The following DMD variants were observed in gnomAD, a reference collection of about 807,000 sequenced individuals.
DMD encodes mutant dystrophin.
Under a neutral mutation model 330.1 loss-of-function variants are expected in DMD, and 63 were observed. That is an observed-to-expected ratio of 0.19 (90% CI 0.16 to 0.24). DMD has a LOEUF of 0.24. Ranked by LOEUF, DMD falls within the 10% of genes least tolerant of loss-of-function variation. DMD has a pLI of 1.00. For missense variants in DMD, 3,344 were observed against 2,684.1 expected, an observed-to-expected ratio of 1.25 and a Z score of -5.43; for synonymous variants, 1,223 against 959.8, an observed-to-expected ratio of 1.27 and a Z score of -5.07.
At chrX:31,362,587 A>C (rs1442289682) in intron 60 of DMD, among the ~76,000 whole-genome samples, 2 of 112,737 alleles carry the variant, frequency 1.8e-5, no homozygotes, top group Non-Finnish European at 3.7e-5. Flanking sequence ...AGGAATACTT[A>C]ACTTGTTTTC....
At chrX:32,188,506 C>T (rs891902326) in intron 44 of DMD, among the ~76,000 whole-genome samples, 11 of 103,690 alleles carry the variant, frequency 1.1e-4, no homozygotes, top group Non-Finnish European at 1.6e-4. Context: ...TAGTCAATTA[C>T]GAGACACTAT....
At chrX:31,178,432 G>GTTTT in intron 70 of DMD, 2 of 802,071 alleles carry the variant, frequency 2.5e-6, no homozygotes, top group Non-Finnish European at 3.1e-6. Context: ...TTGTGTTGTG[G>GTTTT]TTTTTTTTTT....
chrX:32,708,308 A>C (rs746528452), intron 7 of DMD, among the ~76,000 whole-genome samples: 1 of 108,050 alleles, frequency 9.3e-6, no homozygotes, highest in Admixed American at 9.9e-5. Context: ...TGAAAAAAAT[A>C]TGGTAAAAAT....
At chrX:33,102,093 C>T (rs2095244610) in intron 1 of DMD, among the ~76,000 whole-genome samples, 1 of 111,858 alleles carries the variant, frequency 8.9e-6, no homozygotes, top group African/African-American at 3.2e-5. Context: ...AACCATTGTT[C>T]TTTAGGCTCA....
intron 44 of DMD, among the ~76,000 whole-genome samples, chrX:32,095,820 G>A (rs1629784): frequency 0.073 from 8,091 of 111,402 alleles, 260 homozygotes; most frequent in Non-Finnish European, 0.11. Context: ...CAACTGTAGT[G>A]GCTGCTAGTA....
chrX:32,705,368 T>A (rs2064523574), intron 7 of DMD, among the ~76,000 whole-genome samples: 2 of 112,364 alleles, frequency 1.8e-5, no homozygotes, highest in Admixed American at 9.5e-5. Flanking sequence ...TTGAATTTCA[T>A]CATAAAATTA....
chrX:32,637,453 T>G (rs760637406), intron 11 of DMD, among the ~76,000 whole-genome samples: 1 of 112,108 alleles, frequency 8.9e-6, no homozygotes, highest in Non-Finnish European at 1.9e-5. Flanking sequence ...TAATTTGAAT[T>G]GTTCCAACCC....
intron 1 of DMD, among the ~76,000 whole-genome samples, chrX:33,183,315 T>C (rs1459850533): frequency 9.0e-6 from 1 of 111,505 alleles, no homozygotes; most frequent in Non-Finnish European, 1.9e-5. Flanking sequence ...TAAGTTTCGG[T>C]GATCAATTGG....
chrX:31,401,955 G>A (rs889261939), intron 60 of DMD, among the ~76,000 whole-genome samples: 1 of 111,284 alleles, frequency 9.0e-6, no homozygotes, highest in Non-Finnish European at 1.9e-5. Context: ...CAGACACTGC[G>A]CTAAATGCTT....
intron 2 of DMD, among the ~76,000 whole-genome samples, chrX:32,890,438 G>A (rs2085091366): frequency 9.2e-6 from 1 of 108,664 alleles, no homozygotes; most frequent in African/African-American, 3.4e-5. Flanking sequence ...AAGGCCTGTG[G>A]GGGGTGGGGG....
intron 50 of DMD, among the ~76,000 whole-genome samples, chrX:31,814,435 A>G (rs2092556795): frequency 1.1e-5 from 1 of 87,066 alleles, no homozygotes; most frequent in African/African-American, 4.4e-5. Flanking sequence ...GTGAGCCGAG[A>G]TCGCGCCACT....
At chrX:31,958,393 C>T (rs183231132) in intron 45 of DMD, among the ~76,000 whole-genome samples, 1 of 111,401 alleles carries the variant, frequency 9.0e-6, no homozygotes, top group African/African-American at 3.3e-5. Context: ...ATAAAAAGGG[C>T]TCATTTCTTA....
At chrX:31,164,790 C>G (rs1235634184) in intron 74 of DMD, among the ~76,000 whole-genome samples, 14 of 111,175 alleles carry the variant, frequency 1.3e-4, no homozygotes. Context: ...GAGTTGCTCC[C>G]TAGACTAGGC....
chrX:32,230,190 A>G (rs2097163759), intron 43 of DMD, among the ~76,000 whole-genome samples: 1 of 111,861 alleles, frequency 8.9e-6, no homozygotes, highest in Non-Finnish European at 1.9e-5. Flanking sequence ...ATTGGTATCC[A>G]CTTCAAATGA....
intron 44 of DMD, among the ~76,000 whole-genome samples, chrX:32,126,941 C>A (rs1020128286): frequency 2.7e-5 from 3 of 112,293 alleles, no homozygotes; most frequent in African/African-American, 9.7e-5. Context: ...AGGCCAGCAA[C>A]ATTCCTTGAC....
At chrX:32,242,436 C>T (rs1222071444) in intron 43 of DMD, among the ~76,000 whole-genome samples, 1 of 111,544 alleles carries the variant, frequency 9.0e-6, no homozygotes, top group Admixed American at 9.5e-5. Context: ...TGCTTTATTA[C>T]CTGAAATACC....
At chrX:33,100,465 G>A (rs1421226193) in intron 1 of DMD, among the ~76,000 whole-genome samples, 1 of 111,511 alleles carries the variant, frequency 9.0e-6, no homozygotes, top group Non-Finnish European at 1.9e-5. Context: ...GCAGAGGCAG[G>A]TGGATCACCT....
intron 60 of DMD, among the ~76,000 whole-genome samples, chrX:31,416,767 AG>A (rs2061892434): frequency 8.9e-6 from 1 of 112,216 alleles, no homozygotes; most frequent in Admixed American, 9.5e-5. Context: ...TTTCCCAAAA[AG>A]AACCTAATAG....
rs932651631 is a variant in DMD, at chrX:32,737,481, T to TA, written c.650-38189dup. On this transcript the variant is annotated intron_variant, in intron 7 of 78. Coordinates refer to ENST00000357033, the MANE Select transcript of DMD (RefSeq NM_004006.3). ...AGGATTTCTGATGATCTTATTCCAT[T>TA]AAAAAAAAAGACTCCACAAGTCTTG... 1.4e-3 allele frequency among the ~76,000 whole-genome samples: 153 copies of TA among 109,258 alleles called. No homozygotes were observed. The Middle Eastern group carries it at 0.019, about 13-fold the overall frequency. The allele number at this position is 109,258 out of a possible 115,157, so 94.9% of individuals were successfully genotyped here.
Sources: allele counts gnomAD v4.1 joint callset (sites outside exome capture counted in the v4.1 genomes callset), GRCh38; gene constraint gnomAD v4.1.1; transcripts MANE v1.5; gene names NCBI Gene and HGNC (gene_info 2026-07-23, HGNC 2026-07-21).